The following MMD variants were observed in gnomAD, a reference collection of about 807,000 sequenced individuals.
MMD encodes the protein monocyte to macrophage differentiation factor.
MMD carries 22 observed loss-of-function variants against 33.6 expected under a neutral mutation model. The ratio of observed to expected loss-of-function variants is 0.66; its 90% CI spans 0.47 to 0.94. The LOEUF (loss-of-function observed/expected upper bound fraction) is 0.94. Among genes scored for constraint, MMD ranks in the 40% least tolerant of loss-of-function variants. The probability of loss-of-function intolerance (pLI) is 0.00; values close to 1 mark genes in which losing one functional copy is unlikely to be tolerated. For missense variants in MMD, 242 were observed against 309.8 expected (o/e 0.78, Z 1.64); for synonymous variants, 97 against 103.2 (o/e 0.94, Z 0.36).
chr17:55,418,713 G>A (rs1908064432), intron 1 of MMD, among the ~76,000 whole-genome samples: 1 of 152,190 alleles, frequency 6.6e-6, no homozygotes, highest in African/African-American at 2.4e-5. Context: ...CATATATAAG[G>A]AGACTACCCC....
intron 1 of MMD, 119 bp from the exon 2 acceptor site, chr17:55,414,351 A>C (rs1331043503): frequency 1.1e-6 from 1 of 910,196 alleles, no homozygotes; most frequent in East Asian, 2.6e-5. Flanking sequence ...GGAAATACCC[A>C]GTTGCGGTAA....
intron 1 of MMD, 101 bp downstream of exon 1, chr17:55,421,569 G>T: frequency 6.6e-7 from 1 of 1,517,068 alleles, no homozygotes. Flanking sequence ...GATCCACCCA[G>T]GATGAATCCA....
intron 1 of MMD, among the ~76,000 whole-genome samples, chr17:55,415,679 A>T (rs945772831): frequency 6.6e-6 from 1 of 152,200 alleles, no homozygotes; most frequent in African/African-American, 2.4e-5. Flanking sequence ...TATTAACACA[A>T]TACAGATAGT....
chr17:55,404,393 A>G, intron 4 of MMD: 1 of 870,548 alleles, frequency 1.1e-6, no homozygotes, highest in Non-Finnish European at 1.4e-6. Flanking sequence ...GTTTAAAAAT[A>G]GAACCAGCTA....
intron 1 of MMD, among the ~76,000 whole-genome samples, chr17:55,415,225 A>G (rs1309860005): frequency 6.6e-6 from 1 of 152,072 alleles, no homozygotes; most frequent in African/African-American, 2.4e-5. Flanking sequence ...AGAAAAAAGC[A>G]GCTGTCTGAA....
At chr17:55,411,857 G>A (rs975861100) in intron 2 of MMD, among the ~76,000 whole-genome samples, 6 of 152,094 alleles carry the variant, frequency 3.9e-5, no homozygotes, top group African/African-American at 7.2e-5. Context: ...CAGGAGAATC[G>A]CTTGAGCCCT....
intron 6 of MMD, among the ~76,000 whole-genome samples, chr17:55,395,385 G>A (rs1401009953): frequency 6.6e-6 from 1 of 152,244 alleles, no homozygotes; most frequent in Non-Finnish European, 1.5e-5. Context: ...GTTCTGCAGA[G>A]TGAATGGAAA....
At chr17:55,405,785 A>G (rs1304905241) in intron 4 of MMD, among the ~76,000 whole-genome samples, 1 of 152,222 alleles carries the variant, frequency 6.6e-6, no homozygotes, top group African/African-American at 2.4e-5. Flanking sequence ...TTTCTTTTGA[A>G]TCATTGATGC....
chr17:55,417,569 T>C (rs1002685979), intron 1 of MMD, among the ~76,000 whole-genome samples: 4 of 151,774 alleles, frequency 2.6e-5, no homozygotes, highest in African/African-American at 9.7e-5. Flanking sequence ...AGGCGGGAGG[T>C]TGCTTGAGCC....
intron 4 of MMD, among the ~76,000 whole-genome samples, chr17:55,405,928 TC>T (rs947442622): frequency 2.0e-5 from 3 of 152,188 alleles, no homozygotes; most frequent in African/African-American, 7.2e-5. Flanking sequence ...ATTAAGAGTT[TC>T]AAAGCAACAA....
At chr17:55,415,135 A>G (rs573742408) in intron 1 of MMD, among the ~76,000 whole-genome samples, 38 of 152,264 alleles carry the variant, frequency 2.5e-4, no homozygotes, top group African/African-American at 9.1e-4. Flanking sequence ...TGCCCTCCCC[A>G]CCAAAAACCC....
chr17:55,421,577 C>A, intron 1 of MMD, 93 bp downstream of exon 1: 3 of 1,544,130 alleles, frequency 1.9e-6, no homozygotes, highest in Non-Finnish European at 2.6e-6. Context: ...CAGGATGAAT[C>A]CAGGTGAGGA....
chr17:55,401,624 T>C (rs980271984), intron 5 of MMD, 86 bp from the exon 6 acceptor site: 2 of 1,160,086 alleles, frequency 1.7e-6, no homozygotes, highest in Admixed American at 4.7e-5. Flanking sequence ...TTTTTACTTT[T>C]GAGAAAGAAA....
chr17:55,411,441 G>A (rs1335011467), intron 2 of MMD, 24 bp from the exon 3 acceptor site: 4 of 1,598,364 alleles, frequency 2.5e-6, no homozygotes, highest in Admixed American at 1.8e-5. Flanking sequence ...AAAGAATGGT[G>A]AATGGAATAT....
rs759239007 is a variant in MMD at position 55,421,739 on chromosome 17, A to C, written c.-44T>G. ...CGGGGGCCAGGAGCTCCGTCTCGTCAGCACCGGCGGCCGGGCGCGCGGCCC... is the reference window on the plus strand; with the variant it reads ...CGGGGGCCAGGAGCTCCGTCTCGTCCGCACCGGCGGCCGGGCGCGCGGCCC... On this transcript the variant is annotated 5_prime_UTR_variant, in exon 1 of 7. Coordinates refer to ENST00000262065, the MANE Select transcript of MMD (RefSeq NM_012329.3). 1 of 1,565,338 alleles carries C rather than the reference A, an allele frequency of 6.4e-7. No individual in the cohort carries two copies. The highest frequency in any genetic ancestry group is 1.1e-5 in the South Asian group (1 of 87,346).
At chr17:55,418,460 G>T (rs114347098) in intron 1 of MMD, among the ~76,000 whole-genome samples, 34 of 152,324 alleles carry the variant, frequency 2.2e-4, no homozygotes, top group African/African-American at 7.9e-4. Context: ...AGCAGGTTCT[G>T]TAAGTAAGAG....
At chr17:55,399,467 A>G (rs1907245073) in intron 6 of MMD, among the ~76,000 whole-genome samples, 2 of 152,224 alleles carry the variant, frequency 1.3e-5, no homozygotes, top group Admixed American at 6.5e-5. Flanking sequence ...CCCACCATGC[A>G]TATGTACATA....
At chr17:55,401,690 C>A in intron 5 of MMD, 152 bp from the exon 6 acceptor site, 1 of 591,886 alleles carries the variant, frequency 1.7e-6, no homozygotes, top group Non-Finnish European at 2.9e-6. Flanking sequence ...AACCACTAGG[C>A]CTCTAACTAA....
chr17:55,420,274 T>G (rs1422634627), intron 1 of MMD: 3 of 151,908 alleles, frequency 2.0e-5, no homozygotes, highest in Admixed American at 2.0e-4. Flanking sequence ...ATGACTGGAG[T>G]GCATGTTACA....
Sources: gnomAD v4.1 joint callset for allele counts (sites outside exome capture counted in the v4.1 genomes callset) on GRCh38, gnomAD v4.1.1 for gene constraint, MANE v1.5 for transcripts, NCBI Gene and HGNC (gene_info 2026-07-23, HGNC 2026-07-21) for gene names.